Variants in TXNDC12 observed in about 807,000 individuals in gnomAD.
TXNDC12 encodes thioredoxin domain-containing protein 12.
TXNDC12 carries 22 observed loss-of-function variants against 24.2 expected under a neutral mutation model. That is an observed-to-expected ratio of 0.91 (90% CI 0.65 to 1.30). The LOEUF (loss-of-function observed/expected upper bound fraction) is 1.30. Among genes scored for constraint, TXNDC12 ranks in the 50% most tolerant of loss-of-function variants. The pLI is 0.00. For missense variants in TXNDC12, 184 were observed against 205.8 expected (o/e 0.89, Z 0.65); for synonymous variants, 58 against 73.4 (o/e 0.79, Z 1.07).
At position 52,027,269 on chromosome 1, in the gene TXNDC12, T is replaced by C; in HGVS notation, c.285+6A>G. ...TAGCAGAAAGGAGAAACTCTCAAAG[T>C]CTTACCTCAAGATTTACCATAACAA... On this transcript the variant is annotated splice_donor_region_variant and intron_variant, in intron 4 of 6. Transcript: ENST00000371626. The C allele has an allele frequency of 6.2e-7, 1 of 1,601,762 alleles. No individual in the cohort carries two copies. The highest frequency in any genetic ancestry group is 2.2e-5 in the East Asian group (1 of 44,736).
chr1:52,020,884 G>T lies in TXNDC12; in HGVS notation c.*49C>A. ...ATTCCTCAATATTCCCTTCCCTGCT[G>T]CTTTCCTTCCAGAACACTAACTCTG... On this transcript the variant is annotated 3_prime_UTR_variant, in exon 7 of 7. Coordinates refer to ENST00000371626, the MANE Select transcript of TXNDC12 (RefSeq NM_015913.4). 2 of 1,489,706 alleles carry T rather than the reference G, an allele frequency of 1.3e-6. No homozygotes were observed. Among genetic ancestry groups the T allele is most frequent in the South Asian group, 1.1e-5 (1 of 88,214 alleles). The allele number at this position is 1,489,706 out of a possible 1,614,324, so 92.3% of individuals were successfully genotyped here. A position where few individuals can be genotyped will look rare whatever the true frequency, so the allele number is the denominator to read the frequency against.
At chr1:52,035,798 T>C (rs951408169) in intron 2 of TXNDC12, among the ~76,000 whole-genome samples, 1 of 152,180 alleles carries the variant, frequency 6.6e-6, no homozygotes, top group Non-Finnish European at 1.5e-5. Context: ...CTGAATTGTC[T>C]GTGCATAAAC....
chr1:52,032,486 C>T (rs1216886943), intron 2 of TXNDC12: 1 of 1,333,896 alleles, frequency 7.5e-7, no homozygotes, highest in Non-Finnish European at 9.5e-7. Context: ...CCAGGTTGCA[C>T]CACAATAGTT....
chr1:52,031,160 CTT>C (rs10712931), intron 2 of TXNDC12, among the ~76,000 whole-genome samples: 16 of 138,634 alleles, frequency 1.2e-4, no homozygotes, highest in Admixed American at 2.2e-4. Flanking sequence ...TTCATCCTAT[CTT>C]TTTTTTTTTT....
chr1:52,040,192 C>T (rs1685959637), intron 2 of TXNDC12, among the ~76,000 whole-genome samples: 1 of 152,110 alleles, frequency 6.6e-6, no homozygotes, highest in South Asian at 2.1e-4. Flanking sequence ...CTCAGCCTCC[C>T]AAAGTGCTGA....
At chr1:52,045,904 A>G (rs2124388256) in intron 1 of TXNDC12, among the ~76,000 whole-genome samples, 1 of 152,290 alleles carries the variant, frequency 6.6e-6, no homozygotes, top group Non-Finnish European at 1.5e-5. Flanking sequence ...ACTGTGAGAC[A>G]ATAAATTTCT....
chr1:52,033,901 G>A, intron 2 of TXNDC12: 1 of 1,432,576 alleles, frequency 7.0e-7, no homozygotes, highest in Non-Finnish European at 9.1e-7. Flanking sequence ...GGAAACAGGA[G>A]TTCTACGCCA....
chr1:52,051,867 G>C (rs984485263), intron 1 of TXNDC12: 6 of 169,220 alleles, frequency 3.5e-5, no homozygotes, highest in Non-Finnish European at 8.8e-5. Flanking sequence ...TTTTTTGGAA[G>C]GTAGGGTAAG....
chr1:52,034,078 A>G, intron 2 of TXNDC12: 1 of 1,303,888 alleles, frequency 7.7e-7, no homozygotes, highest in African/African-American at 1.5e-5. Flanking sequence ...ATTGTAAGCA[A>G]TCAGCACTAT....
chr1:52,027,904 C>T (rs1159039634), intron 3 of TXNDC12, among the ~76,000 whole-genome samples: 2 of 151,968 alleles, frequency 1.3e-5, no homozygotes, highest in Non-Finnish European at 2.9e-5. Flanking sequence ...ACGATCTCAG[C>T]TCACTGCAAC....
intron 4 of TXNDC12, 161 bp from the exon 5 acceptor site, chr1:52,024,740 C>G: frequency 1.7e-6 from 1 of 596,524 alleles, no homozygotes; most frequent in Non-Finnish European, 3.0e-6. Context: ...ACTTAATGTC[C>G]TACCCCTTGT....
Position 52,020,436 on chromosome 1 carries a change from C to T in TXNDC12, c.*497G>A, listed in dbSNP as rs1355765511. The T allele has an allele frequency of 3.9e-6, 1 of 258,298 alleles. No individual in the cohort carries two copies. Among genetic ancestry groups the T allele is most frequent in the African/African-American group, 2.2e-5 (1 of 45,014 alleles). 16.0% of individuals were successfully genotyped at this position (258,298 alleles called of 1,614,324 possible). A position where few individuals can be genotyped will look rare whatever the true frequency, so the allele number is the denominator to read the frequency against. On this transcript the variant is annotated 3_prime_UTR_variant, in exon 7 of 7. Coordinates refer to ENST00000371626, the MANE Select transcript of TXNDC12 (RefSeq NM_015913.4). ...CAGGAGAAAAAAGGGAAAAAACAGG[C>T]TGATATCCTTGGTAGGGGGTAGAAT...
Position 52,054,956 on chromosome 1 carries a change from G to C in TXNDC12, c.97+44C>G, listed in dbSNP as rs774266915. The C allele has an allele frequency of 5.7e-6, 8 of 1,409,442 alleles. No individual in the cohort carries two copies. The South Asian group carries it at 8.1e-5, about 14-fold the overall frequency. 87.3% of individuals were successfully genotyped at this position (1,409,442 alleles called of 1,614,324 possible). On this transcript the variant is annotated intron_variant, in intron 1 of 6. Coordinates refer to ENST00000371626, the MANE Select transcript of TXNDC12 (RefSeq NM_015913.4). Reference sequence around the variant, plus strand: ...GCAAGAAGAGATTATACTGGGATCAGTATAGTAAAGATCAGTAAAGAGAAG... The same window carrying C: ...GCAAGAAGAGATTATACTGGGATCACTATAGTAAAGATCAGTAAAGAGAAG...
chr1:52,038,903 GT>G (rs71041880), intron 2 of TXNDC12, among the ~76,000 whole-genome samples: 95,228 of 116,222 alleles, frequency 0.82, 39,124 homozygotes, highest in Middle Eastern at 0.87. Context: ...TTCTTTTTCT[GT>G]TTTTTTTTTT....
At chr1:52,026,280 A>C (rs1685670838) in intron 4 of TXNDC12, among the ~76,000 whole-genome samples, 1 of 152,202 alleles carries the variant, frequency 6.6e-6, no homozygotes, top group South Asian at 2.1e-4. Context: ...GACCTTGACC[A>C]AATCACATAC....
chr1:52,048,053 CAA>C (rs578156453), intron 1 of TXNDC12, among the ~76,000 whole-genome samples: 107 of 152,118 alleles, frequency 7.0e-4, no homozygotes, highest in African/African-American at 2.4e-3. Flanking sequence ...ATAACAGAAA[CAA>C]GAGCTGTTCT....
chr1:52,028,173 G>C (rs1023278665), intron 3 of TXNDC12, among the ~76,000 whole-genome samples: 2 of 151,858 alleles, frequency 1.3e-5, no homozygotes, highest in East Asian at 3.9e-4. Flanking sequence ...TTTAAGTGCA[G>C]CATACTAAAT....
At chr1:52,033,050 G>A (rs750326461) in intron 2 of TXNDC12, 3 of 1,581,384 alleles carry the variant, frequency 1.9e-6, no homozygotes, top group South Asian at 2.3e-5. Flanking sequence ...AGGGGCAACG[G>A]CTCCTCTAGG....
rs749087425 is a variant in TXNDC12, at chr1:52,032,730, C to T, written c.159-4100G>A. 2.5e-6 allele frequency: 4 copies of T among 1,612,588 alleles called. No homozygotes were observed. The South Asian group carries it at 3.3e-5, about 13-fold the overall frequency. The stretch of plus-strand genomic sequence containing the variant: ...GGCTCTGGCTCAAATACTGAAGAAA[C>T]ATGTTGGCCAGTTGCGGCAAGTTCT... On this transcript the variant is annotated intron_variant, in intron 2 of 6. Coordinates refer to ENST00000371626, the MANE Select transcript of TXNDC12 (RefSeq NM_015913.4).
Sources: allele counts gnomAD v4.1 joint callset (sites outside exome capture counted in the v4.1 genomes callset), GRCh38; gene constraint gnomAD v4.1.1; transcripts MANE v1.5; gene names NCBI Gene and HGNC (gene_info 2026-07-23, HGNC 2026-07-21).